Variants in PADI2 observed in about 807,000 individuals in gnomAD.
PADI2 encodes the protein peptidyl arginine deiminase 2.
In PADI2, 70 loss-of-function variants were observed where a neutral mutation model predicts 81.1. That is an observed-to-expected ratio of 0.86 (90% confidence interval 0.71 to 1.05). The LOEUF (loss-of-function observed/expected upper bound fraction) is 1.05, where lower values mean the gene tolerates loss of function less well. PADI2 is among the 50% of genes least tolerant of loss of function. The pLI, the probability that PADI2 is intolerant of heterozygous loss-of-function variation, is 0.00. For missense variants in PADI2, 853 were observed against 889.9 expected (o/e 0.96, Z 0.53); for synonymous variants, 338 against 358.0 (o/e 0.94, Z 0.63).
At chr1:17,090,105 G>C (rs1304165043) in intron 6 of PADI2, among the ~76,000 whole-genome samples, 1 of 152,140 alleles carries the variant, frequency 6.6e-6, no homozygotes, top group Non-Finnish European at 1.5e-5. Context: ...GCCGTTACCA[G>C]GTCTTCCTAG....
intron 15 of PADI2, 42 bp downstream of exon 15, chr1:17,070,046 T>A: frequency 6.3e-7 from 1 of 1,597,180 alleles, no homozygotes; most frequent in East Asian, 2.3e-5. Context: ...CTGGCTGCCC[T>A]GTACTGGCAT....
At chr1:17,085,858 T>G (rs193035619) in intron 7 of PADI2, among the ~76,000 whole-genome samples, 1 of 152,304 alleles carries the variant, frequency 6.6e-6, no homozygotes, top group African/African-American at 2.4e-5. Flanking sequence ...TTCCCTTTTT[T>G]TCTGAGCGAA....
At chr1:17,088,702 T>C (rs1570988882) in intron 6 of PADI2, among the ~76,000 whole-genome samples, 1 of 150,076 alleles carries the variant, frequency 6.7e-6, no homozygotes, top group South Asian at 2.1e-4. Flanking sequence ...AGGTCAGGAG[T>C]TTGAGACAAG....
chr1:17,092,407 C>T lies in PADI2; in HGVS notation c.655+1G>A, dbSNP rs757979505. 2 of 1,601,580 alleles carry T rather than the reference C, an allele frequency of 1.2e-6. No individual in the cohort carries two copies. The highest frequency in any genetic ancestry group is 1.7e-5 in the Admixed American group (1 of 58,240). On this transcript the variant is annotated splice_donor_variant, in intron 6 of 15. Coordinates refer to ENST00000375486, the MANE Select transcript of PADI2 (RefSeq NM_007365.3). LOFTEE classifies it high-confidence loss of function. ...GGCTGGACTGGGCTGGGATCACTCACTCTCCACGTAGAACACGCCCACTTT... is the reference window on the plus strand; with the variant it reads ...GGCTGGACTGGGCTGGGATCACTCATTCTCCACGTAGAACACGCCCACTTT...
intron 10 of PADI2, among the ~76,000 whole-genome samples, chr1:17,081,256 ATGGTCAT>A (rs1168517375): frequency 6.6e-6 from 1 of 152,220 alleles, no homozygotes; most frequent in Non-Finnish European, 1.5e-5. Context: ...ACAGCTAATA[ATGGTCAT>A]TATATCAGAC....
rs2078225404 is a variant in PADI2 at position 17,066,881 on chromosome 1, CACG to C, written c.*2160_*2162del. 2.6e-5 allele frequency: 4 copies of C among 152,234 alleles called. No individual in the cohort carries two copies. Among genetic ancestry groups the C allele is most frequent in the African/African-American group, 9.7e-5 (4 of 41,448 alleles). 9.4% of individuals were successfully genotyped at this position (152,234 alleles called of 1,614,324 possible). ...GAAACTGTGTTCTTCTTGCCATCTT[CACG>C]ACATCCCCTGCCCTCTTACATAAGA... On this transcript the variant is annotated 3_prime_UTR_variant, in exon 16 of 16. Transcript: ENST00000375486.
intron 11 of PADI2, among the ~76,000 whole-genome samples, chr1:17,076,730 C>A (rs1383199751): frequency 6.6e-6 from 1 of 152,064 alleles, no homozygotes; most frequent in Non-Finnish European, 1.5e-5. Flanking sequence ...GTGCCCACCA[C>A]CCCGCCCAGC....
chr1:17,087,731 C>T lies in PADI2; in HGVS notation c.656-1032G>A, dbSNP rs548706066. ...TCTTGGTCAGGCTGGTCTCGAACTC[C>T]TTGCCTTTAGTGATTTGCCTGCCTT... On this transcript the variant is annotated intron_variant, in intron 6 of 15. Coordinates refer to ENST00000375486, the MANE Select transcript of PADI2 (RefSeq NM_007365.3). Among the ~76,000 whole-genome samples, 126 of 152,240 alleles carry T rather than the reference C, an allele frequency of 8.3e-4. 1 individual carries two copies. Among genetic ancestry groups the T allele is most frequent in the Non-Finnish European group, 1.6e-4 (11 of 68,032 alleles).
chr1:17,097,186 T>C (rs745456228), intron 3 of PADI2, among the ~76,000 whole-genome samples: 2 of 152,108 alleles, frequency 1.3e-5, no homozygotes, highest in Non-Finnish European at 2.9e-5. Context: ...TGGTGGGCGC[T>C]GGGTGGTAAT....
At chr1:17,093,868 C>T (rs1402748231) in intron 4 of PADI2, among the ~76,000 whole-genome samples, 184 bp from the exon 5 acceptor site, 1 of 152,144 alleles carries the variant, frequency 6.6e-6, no homozygotes, top group Non-Finnish European at 1.5e-5. Flanking sequence ...GCATCAAAGG[C>T]AAGTTCAATA....
rs1484780322 is a variant in PADI2, at chr1:17,075,799, C to G, written c.1335G>C (p.Lys445Asn). 1.2e-6 allele frequency: 2 copies of G among 1,613,938 alleles called. No homozygotes were observed. Among genetic ancestry groups the G allele is most frequent in the Non-Finnish European group, 8.5e-7 (1 of 1,179,936 alleles). The change falls in exon 12 of 16, where the codon AAG (lysine) becomes AAC (asparagine). Residue 445 changes from lysine to asparagine, a missense_variant. By Grantham distance (94) the Lys-to-Asn change is moderately conservative. Coordinates refer to ENST00000375486, the MANE Select transcript of PADI2 (RefSeq NM_007365.3). ...GGGCCTTCAGGAAGTCACGCACCAC[C>G]TTGGTCATCCTCCGACCACCAGACC... ...FPLSGGRRMT[K>N]VVRDFLKAQQ... is the part of the protein sequence containing the mutation.
At chr1:17,081,853 C>T (rs949480487) in intron 10 of PADI2, among the ~76,000 whole-genome samples, 4 of 152,186 alleles carry the variant, frequency 2.6e-5, no homozygotes, top group African/African-American at 7.2e-5. Context: ...TGGCTCACAC[C>T]TGTAATCCCA....
At chr1:17,103,847 G>T (rs897083302) in intron 2 of PADI2, among the ~76,000 whole-genome samples, 1 of 148,312 alleles carries the variant, frequency 6.7e-6, no homozygotes, top group Non-Finnish European at 1.5e-5. Flanking sequence ...AGCTGGGCAC[G>T]ATGGCAGGTG....
At position 17,119,440 on chromosome 1, in the gene PADI2, C is replaced by G; in HGVS notation, c.-69G>C. On this transcript the variant is annotated 5_prime_UTR_variant, in exon 1 of 16. Coordinates refer to ENST00000375486, the MANE Select transcript of PADI2 (RefSeq NM_007365.3). This position sits in a 1 kb window ranked among gnomAD's most constrained non-coding sequence, Gnocchi z 4.8. Reference sequence around the variant, plus strand: ...GGAGCACCTGCAGCAGGTGCGCCTTCTCCAGCAGCCTGCGCCCCACGGCCC... The same window carrying G: ...GGAGCACCTGCAGCAGGTGCGCCTTGTCCAGCAGCCTGCGCCCCACGGCCC... 8.4e-7 allele frequency: 1 copy of G among 1,184,674 alleles called. No individual in the cohort carries two copies. The highest frequency in any genetic ancestry group is 1.2e-6 in the Non-Finnish European group (1 of 860,870). The allele number at this position is 1,184,674 out of a possible 1,614,324, so 73.4% of individuals were successfully genotyped here. A position where few individuals can be genotyped will look rare whatever the true frequency, so the allele number is the denominator to read the frequency against.
Position 17,068,530 on chromosome 1 carries a change from T to C in PADI2, c.*514A>G, listed in dbSNP as rs1176575899. On this transcript the variant is annotated 3_prime_UTR_variant, in exon 16 of 16. Coordinates refer to ENST00000375486, the MANE Select transcript of PADI2 (RefSeq NM_007365.3). ...ATTTGAGAGGTTGGTAAGGAATGAA[T>C]AATTGGGGGTGGCCACCTGGAAACC... 1 of 164,374 alleles carries C rather than the reference T, an allele frequency of 6.1e-6. No homozygotes were observed. The highest frequency in any genetic ancestry group is 2.4e-5 in the African/African-American group (1 of 41,510). The allele number at this position is 164,374 out of a possible 1,614,324, so 10.2% of individuals were successfully genotyped here. A position where few individuals can be genotyped will look rare whatever the true frequency, so the allele number is the denominator to read the frequency against.
intron 6 of PADI2, among the ~76,000 whole-genome samples, chr1:17,087,479 T>A (rs1256099260): frequency 7.9e-6 from 1 of 126,996 alleles, no homozygotes; most frequent in East Asian, 2.1e-4. Flanking sequence ...AGTCTTTTTA[T>A]GTTTGTTTGT....
At chr1:17,099,809 G>T (rs1210926873) in intron 3 of PADI2, among the ~76,000 whole-genome samples, 1 of 152,196 alleles carries the variant, frequency 6.6e-6, no homozygotes, top group Non-Finnish European at 1.5e-5. Flanking sequence ...TAAACACCAT[G>T]CAAGGCTGCT....
At chr1:17,086,792 C>CT in intron 6 of PADI2, 93 bp from the exon 7 acceptor site, 2 of 1,037,260 alleles carry the variant, frequency 1.9e-6, no homozygotes, top group Non-Finnish European at 2.9e-6. Flanking sequence ...GGCAAAGTAA[C>CT]TTGTCCTCTA....
intron 1 of PADI2, among the ~76,000 whole-genome samples, chr1:17,118,151 G>A (rs576726438): frequency 2.6e-5 from 4 of 152,106 alleles, no homozygotes; most frequent in Non-Finnish European, 5.9e-5. Context: ...GTTGGTGGGG[G>A]CCTGGGAGAG....
Sources: gnomAD v4.1 joint callset for allele counts (sites outside exome capture counted in the v4.1 genomes callset) on GRCh38, gnomAD v4.1.1 for gene constraint, Gnocchi (gnomAD v3.1) non-coding constraint, MANE v1.5 for transcripts, NCBI Gene and HGNC (gene_info 2026-07-23, HGNC 2026-07-21) for gene names.